IQSEC1: variants seen among roughly 807,000 people sequenced by gnomAD.
The protein encoded by IQSEC1 is IQ motif and SEC7 domain-containing protein 1.
IQSEC1 carries 31 observed loss-of-function variants against 91.0 expected under a neutral mutation model. The ratio of observed to expected loss-of-function variants is 0.34; its 90% CI spans 0.26 to 0.46. IQSEC1 has a LOEUF of 0.46. IQSEC1 is among the 20% of genes least tolerant of loss of function. The probability of loss-of-function intolerance (pLI) is 1.00; values close to 1 mark genes in which losing one functional copy is unlikely to be tolerated. For synonymous variants in IQSEC1, 699 were observed against 662.6 expected (o/e 1.05, Z -0.84); for missense variants, 1,388 against 1,575.6 (o/e 0.88, Z 2.02).
At chr3:13,219,245 G>A (rs1694608707) in intron 1 of IQSEC1, among the ~76,000 whole-genome samples, 1 of 152,196 alleles carries the variant, frequency 6.6e-6, no homozygotes, top group Non-Finnish European at 1.5e-5. Context: ...GCTGCATGGT[G>A]CTCCTGACAC....
chr3:13,047,026 G>C (rs1704521015), intron 1 of IQSEC1, among the ~76,000 whole-genome samples: 2 of 151,336 alleles, frequency 1.3e-5, no homozygotes, highest in African/African-American at 4.9e-5. Flanking sequence ...CACGGAAGCA[G>C]AGACCCTCAG....
intron 1 of IQSEC1, among the ~76,000 whole-genome samples, chr3:13,049,111 C>T (rs1264134929): frequency 1.3e-5 from 2 of 152,156 alleles, no homozygotes; most frequent in South Asian, 2.1e-4. Context: ...GCCTTCCCTG[C>T]CTTCCAGTGC....
At chr3:13,192,698 G>T (rs912079926) in intron 1 of IQSEC1, among the ~76,000 whole-genome samples, 1 of 152,246 alleles carries the variant, frequency 6.6e-6, no homozygotes, top group Non-Finnish European at 1.5e-5. Flanking sequence ...ACAGCTCTGT[G>T]GCTGGGAGCC....
chr3:12,903,589 G>A (rs571014575), intron 12 of IQSEC1, among the ~76,000 whole-genome samples: 3 of 152,330 alleles, frequency 2.0e-5, no homozygotes, highest in Non-Finnish European at 2.9e-5. Flanking sequence ...CTCGGCATGC[G>A]GGGTCCGTCA....
intron 1 of IQSEC1, among the ~76,000 whole-genome samples, chr3:13,179,725 G>A (rs375280733): frequency 3.9e-5 from 6 of 152,250 alleles, no homozygotes; most frequent in Non-Finnish European, 5.9e-5. Context: ...GGCCGGAGCC[G>A]GCTCCCTCAG....
At chr3:13,042,953 T>C (rs1490770745) in intron 1 of IQSEC1, among the ~76,000 whole-genome samples, 1 of 152,134 alleles carries the variant, frequency 6.6e-6, no homozygotes, top group Non-Finnish European at 1.5e-5. Context: ...CTGTTCGGCC[T>C]GTGCGAGGGA....
chr3:12,906,418 C>CGGG (rs2125049505), intron 12 of IQSEC1, among the ~76,000 whole-genome samples: 1 of 152,358 alleles, frequency 6.6e-6, no homozygotes, highest in Non-Finnish European at 1.5e-5. Flanking sequence ...CAGCACCTGC[C>CGGG]TGTCCCGATG....
chr3:12,944,143 G>A (rs1314451287), intron 1 of IQSEC1, among the ~76,000 whole-genome samples: 1 of 152,172 alleles, frequency 6.6e-6, no homozygotes, highest in Admixed American at 6.5e-5. Context: ...ATGCCTGCAA[G>A]CCCTCTGAGG....
intron 1 of IQSEC1, among the ~76,000 whole-genome samples, chr3:13,200,939 C>G (rs1020660489): frequency 1.3e-5 from 2 of 152,156 alleles, no homozygotes; most frequent in Admixed American, 6.5e-5. Flanking sequence ...GTAACATGCA[C>G]CTGGAAACAG....
chr3:13,030,556 T>C (rs942395643), intron 1 of IQSEC1, among the ~76,000 whole-genome samples: 1 of 152,222 alleles, frequency 6.6e-6, no homozygotes, highest in Admixed American at 6.5e-5. Flanking sequence ...GACAGAGGAA[T>C]AGCTTAAATG....
chr3:13,179,633 G>C (rs1458967634), intron 1 of IQSEC1, among the ~76,000 whole-genome samples: 2 of 152,282 alleles, frequency 1.3e-5, no homozygotes, highest in Non-Finnish European at 2.9e-5. Context: ...CGCCTCCTCT[G>C]CCTGGGCTCC....
At chr3:13,176,242 T>C (rs920374761) in intron 1 of IQSEC1, among the ~76,000 whole-genome samples, 1 of 152,176 alleles carries the variant, frequency 6.6e-6, no homozygotes, top group Non-Finnish European at 1.5e-5. Flanking sequence ...GCCCCCACCC[T>C]GAACTTGCCT....
intron 1 of IQSEC1, among the ~76,000 whole-genome samples, chr3:13,242,708 T>A (rs1263990816): frequency 3.5e-4 from 53 of 152,212 alleles, no homozygotes; most frequent in Admixed American, 3.4e-3. Context: ...CTGGAGGATG[T>A]TCTGCTTCAA....
chr3:13,192,791 C>T (rs935257711), intron 1 of IQSEC1, among the ~76,000 whole-genome samples: 7 of 152,262 alleles, frequency 4.6e-5, no homozygotes, highest in Non-Finnish European at 1.0e-4. Context: ...TGTGTGTCCA[C>T]CTGGCTGGGC....
At chr3:13,182,272 C>T (rs1043001802) in intron 1 of IQSEC1, among the ~76,000 whole-genome samples, 2 of 152,226 alleles carry the variant, frequency 1.3e-5, no homozygotes, top group Non-Finnish European at 2.9e-5. Flanking sequence ...GTCTGATGCT[C>T]CCATCTGTGA....
chr3:12,981,423 C>T (rs1253505547), intron 1 of IQSEC1, among the ~76,000 whole-genome samples: 4 of 152,042 alleles, frequency 2.6e-5, no homozygotes, highest in South Asian at 2.1e-4. Flanking sequence ...ACTCTGGAAT[C>T]GGACACAAGA....
At position 13,269,352 on chromosome 3, in the gene IQSEC1, C is replaced by G. The variant is rs1184861073; in HGVS notation, c.272+13359G>C. ...CATCGCACTGCAGGGATGATTTTCTCCAGACCCCCTTTCCCTCTCTGGATG... is the reference window on the plus strand; with the variant it reads ...CATCGCACTGCAGGGATGATTTTCTGCAGACCCCCTTTCCCTCTCTGGATG... On this transcript the variant is annotated intron_variant, in intron 1 of 15. Transcript: ENST00000648114. Among the ~76,000 whole-genome samples the G allele has an allele frequency of 3.3e-5, 5 of 152,342 alleles. No homozygotes were observed. In the East Asian group the frequency reaches 7.7e-4, roughly 24 times the overall value.
At chr3:12,966,396 G>T (rs1370711987) in intron 1 of IQSEC1, among the ~76,000 whole-genome samples, 2 of 152,200 alleles carry the variant, frequency 1.3e-5, no homozygotes, top group Admixed American at 6.5e-5. Flanking sequence ...TCCTCCAGAG[G>T]GGGCCTGACA....
chr3:13,053,139 A>G, intron 1 of IQSEC1: 1 of 784,686 alleles, frequency 1.3e-6, no homozygotes, highest in Admixed American at 1.7e-5. Context: ...AAGCGGACTC[A>G]AGCACACACC....
Sources: allele counts gnomAD v4.1 joint callset (sites outside exome capture counted in the v4.1 genomes callset), GRCh38; gene constraint gnomAD v4.1.1; transcripts MANE v1.5; gene names NCBI Gene and HGNC (gene_info 2026-07-23, HGNC 2026-07-21).